Variants in TMCC1 observed in about 807,000 individuals in gnomAD.
TMCC1 encodes transmembrane and coiled-coil domains protein 1.
In TMCC1, 15 loss-of-function variants were observed where a neutral mutation model predicts 52.4. The observed-to-expected ratio is 0.29, with a 90% CI of 0.19 to 0.44. TMCC1 has a LOEUF of 0.44. TMCC1 is among the 20% of genes least tolerant of loss of function. TMCC1 has a pLI of 1.00. For synonymous variants in TMCC1, 279 were observed against 301.9 expected (o/e 0.92, Z 0.79); for missense variants, 503 against 806.0 (o/e 0.62, Z 4.55).
In TMCC1 at chr3:129,648,441, T is replaced by G. The variant is rs951971011; in HGVS notation, c.*3040A>C. On this transcript the variant is annotated 3_prime_UTR_variant, in exon 7 of 7. Transcript: ENST00000393238. ...AGTCAGTGAAGTATAAAATTTAACCTACTTTTGCTTCTTAAGGAGCCAGTA... is the reference window on the plus strand; with the variant it reads ...AGTCAGTGAAGTATAAAATTTAACCGACTTTTGCTTCTTAAGGAGCCAGTA... 6.6e-6 allele frequency: 1 copy of G among 152,246 alleles called. No individual in the cohort carries two copies. Among genetic ancestry groups the G allele is most frequent in the African/African-American group, 2.4e-5 (1 of 41,474 alleles). 9.4% of individuals were successfully genotyped at this position (152,246 alleles called of 1,614,324 possible). A position where few individuals can be genotyped will look rare whatever the true frequency, so the allele number is the denominator to read the frequency against.
At chr3:129,788,444 A>T (rs1050842437) in intron 4 of TMCC1, among the ~76,000 whole-genome samples, 1 of 152,002 alleles carries the variant, frequency 6.6e-6, no homozygotes, top group Non-Finnish European at 1.5e-5. Flanking sequence ...CATGACATTG[A>T]TCTTACTGGG....
At chr3:129,862,320 C>T (rs1446565806) in intron 2 of TMCC1, among the ~76,000 whole-genome samples, 2 of 151,962 alleles carry the variant, frequency 1.3e-5, no homozygotes, top group African/African-American at 4.8e-5. Flanking sequence ...TGTGAATATA[C>T]TAAAAACCAC....
intron 4 of TMCC1, among the ~76,000 whole-genome samples, chr3:129,679,868 G>A (rs1188468198): frequency 6.6e-6 from 1 of 151,946 alleles, no homozygotes; most frequent in Non-Finnish European, 1.5e-5. Flanking sequence ...TTTATTCAGA[G>A]TATTTTTTGG....
intron 4 of TMCC1, among the ~76,000 whole-genome samples, chr3:129,804,408 T>C (rs1266729515): frequency 6.6e-6 from 1 of 152,146 alleles, no homozygotes; most frequent in African/African-American, 2.4e-5. Context: ...CTTAGCCAAA[T>C]CCAAATAATA....
At chr3:129,800,366 G>A (rs1215621267) in intron 4 of TMCC1, among the ~76,000 whole-genome samples, 1 of 152,080 alleles carries the variant, frequency 6.6e-6, no homozygotes, top group Non-Finnish European at 1.5e-5. Flanking sequence ...AATCCTAAAG[G>A]ACAGAGTAAG....
chr3:129,817,960 G>A (rs1183679998), intron 4 of TMCC1, among the ~76,000 whole-genome samples: 1 of 152,114 alleles, frequency 6.6e-6, no homozygotes, highest in Non-Finnish European at 1.5e-5. Context: ...CCACAGACAT[G>A]TGCCACGCCC....
intron 4 of TMCC1, among the ~76,000 whole-genome samples, chr3:129,704,840 T>C (rs114329129): frequency 1.1e-3 from 172 of 152,226 alleles, no homozygotes; most frequent in African/African-American, 3.8e-3. Flanking sequence ...GACCTGAAAA[T>C]TAGCACAAGC....
intron 4 of TMCC1, among the ~76,000 whole-genome samples, chr3:129,728,233 T>C (rs949301381): frequency 6.6e-6 from 1 of 152,222 alleles, no homozygotes; most frequent in Non-Finnish European, 1.5e-5. Context: ...GAAGTGCCTG[T>C]TCAACCCACA....
intron 4 of TMCC1, among the ~76,000 whole-genome samples, chr3:129,821,979 C>A (rs1433253799): frequency 6.6e-6 from 1 of 152,144 alleles, no homozygotes; most frequent in Non-Finnish European, 1.5e-5. Flanking sequence ...TGGGTGGTCA[C>A]TTGAGCCTGG....
intron 2 of TMCC1, among the ~76,000 whole-genome samples, chr3:129,860,765 A>G (rs142973869): frequency 0.016 from 2,372 of 152,044 alleles, 49 homozygotes; most frequent in African/African-American, 0.055. Context: ...ACACCCAGCT[A>G]ATTCTTGTAT....
At chr3:129,694,988 T>G (rs184440631) in intron 4 of TMCC1, among the ~76,000 whole-genome samples, 279 of 147,706 alleles carry the variant, frequency 1.9e-3, no homozygotes, top group African/African-American at 6.5e-3. Context: ...TTGGAGATAT[T>G]TGGGAGGCTG....
In TMCC1 at chr3:129,802,495, T is replaced by C. The variant is rs1560451478; in HGVS notation, c.576+25308A>G. Among the ~76,000 whole-genome samples the C allele has an allele frequency of 1.3e-5, 2 of 152,168 alleles. 1 individual carries two copies. Among genetic ancestry groups the C allele is most frequent in the Non-Finnish European group, 2.9e-5 (2 of 68,016 alleles). ...CTACAGAGACCACTGTAGTCCCAGC[T>C]ACTTGGAAGGCTGAGGCAGGAGGAT... On this transcript the variant is annotated intron_variant, in intron 4 of 6. Coordinates refer to ENST00000393238, the MANE Select transcript of TMCC1 (RefSeq NM_001017395.5).
intron 2 of TMCC1, among the ~76,000 whole-genome samples, chr3:129,876,693 G>A (rs185830027): frequency 9.9e-5 from 15 of 152,202 alleles, no homozygotes; most frequent in Non-Finnish European, 1.8e-4. Flanking sequence ...GGTGGCTCAC[G>A]CCTGTAATCC....
intron 2 of TMCC1, chr3:129,857,229 G>C (rs932451887): frequency 3.9e-5 from 6 of 152,004 alleles, no homozygotes; most frequent in African/African-American, 1.2e-4. Context: ...GACAAAACAT[G>C]GGATTTTATT....
intron 4 of TMCC1, among the ~76,000 whole-genome samples, chr3:129,827,201 C>T (rs2058695876): frequency 6.6e-6 from 1 of 152,214 alleles, no homozygotes; most frequent in African/African-American, 2.4e-5. Context: ...CCTCAACTAA[C>T]CATAACTGAG....
chr3:129,654,405 C>A (rs1350182465), intron 6 of TMCC1, among the ~76,000 whole-genome samples: 2 of 152,222 alleles, frequency 1.3e-5, no homozygotes, highest in African/African-American at 4.8e-5. Context: ...TTCTCTGAGA[C>A]TAGTGTCTTT....
intron 4 of TMCC1, among the ~76,000 whole-genome samples, chr3:129,718,427 A>G (rs1393437525): frequency 1.3e-5 from 2 of 152,224 alleles, no homozygotes; most frequent in African/African-American, 4.8e-5. Flanking sequence ...AGTAAACTGC[A>G]TATCTCAGTA....
intron 4 of TMCC1, among the ~76,000 whole-genome samples, chr3:129,749,292 C>T (rs2052285330): frequency 6.6e-6 from 1 of 152,042 alleles, no homozygotes; most frequent in African/African-American, 2.4e-5. Flanking sequence ...ACTCTGATAT[C>T]ATATAAAAAA....
At chr3:129,737,326 C>T (rs2051057011) in intron 4 of TMCC1, among the ~76,000 whole-genome samples, 1 of 151,838 alleles carries the variant, frequency 6.6e-6, no homozygotes, top group Non-Finnish European at 1.5e-5. Flanking sequence ...GAAAAAAATA[C>T]AAAGATTAGC....
Sources: allele counts gnomAD v4.1 joint callset (sites outside exome capture counted in the v4.1 genomes callset), GRCh38; gene constraint gnomAD v4.1.1; transcripts MANE v1.5; gene names NCBI Gene and HGNC (gene_info 2026-07-23, HGNC 2026-07-21).